Variants in TMEM91 observed in about 807,000 individuals in gnomAD.
The protein encoded by TMEM91 is dispanin subfamily C member 3.
A neutral mutation model predicts 13.3 loss-of-function variants in TMEM91; 6 were observed. The observed-to-expected ratio is 0.45, with a 90% CI of 0.25 to 0.89. The LOEUF (loss-of-function observed/expected upper bound fraction) is 0.89. Ranked by LOEUF, TMEM91 falls within the 40% of genes least tolerant of loss-of-function variation. TMEM91 has a pLI of 0.19. For synonymous variants in TMEM91, 87 were observed against 101.7 expected, an observed-to-expected ratio of 0.86 and a Z score of 0.87; for missense variants, 193 against 228.7, an observed-to-expected ratio of 0.84 and a Z score of 1.01.
upstream of TMEM91, among the ~76,000 whole-genome samples, chr19:41,375,766 T>G (rs1435710841): frequency 6.6e-6 from 1 of 151,412 alleles, no homozygotes; most frequent in African/African-American, 2.4e-5. Context: ...GAGCAATGAT[T>G]GCGCCACTGC....
upstream of TMEM91, chr19:41,373,878 A>G (rs34503210): frequency 0.58 from 87,437 of 150,956 alleles, 25,533 homozygotes; most frequent in Non-Finnish European, 0.6. Flanking sequence ...GGGTTTTGCT[A>G]TGTCGCCCAG....
intron 3 of TMEM91, chr19:41,383,322 G>A (rs1309629120): frequency 1.2e-5 from 5 of 422,688 alleles, no homozygotes; most frequent in Non-Finnish European, 1.9e-5. Context: ...CCAAAGTGCT[G>A]GGATTACAGG....
At chr19:41,377,269 G>C (rs2123183665) in intron 1 of TMEM91, 1 of 153,032 alleles carries the variant, frequency 6.5e-6, no homozygotes, top group Non-Finnish European at 1.5e-5. Context: ...AGGTGTCTGT[G>C]GTTTGTGATG....
chr19:41,375,126 C>G (rs571990804), upstream of TMEM91, among the ~76,000 whole-genome samples: 12 of 152,200 alleles, frequency 7.9e-5, no homozygotes, highest in South Asian at 2.5e-3. Flanking sequence ...CCTAGAAACT[C>G]CTAACCCACC....
At chr19:41,379,472 C>T (rs2038819068) in intron 2 of TMEM91, among the ~76,000 whole-genome samples, 1 of 149,624 alleles carries the variant, frequency 6.7e-6, no homozygotes, top group African/African-American at 2.5e-5. Context: ...CTGCAATGAG[C>T]TGTGATCATA....
upstream of TMEM91, chr19:41,373,825 A>G (rs1281134496): frequency 6.6e-6 from 1 of 150,922 alleles, no homozygotes; most frequent in Non-Finnish European, 1.5e-5. Context: ...TGGAGGTTGC[A>G]GTGACCTGAG....
rs889572075 is a variant in TMEM91, at chr19:41,370,223, A to G, written c.-30+6128A>G. On this transcript the variant is annotated intron_variant, in intron 1 of 3. Coordinates refer to the TMEM91 transcript ENST00000413014. ...CTCCCGAGTAACTGGTATTACAGGCATGCACCACCATGCCTGGCTAATTTT... is the reference window on the plus strand; with the variant it reads ...CTCCCGAGTAACTGGTATTACAGGCGTGCACCACCATGCCTGGCTAATTTT... 2.6e-5 allele frequency among the ~76,000 whole-genome samples: 4 copies of G among 151,968 alleles called. No individual in the cohort carries two copies. In the South Asian group the frequency reaches 8.3e-4, roughly 32 times the overall value.
upstream of TMEM91, among the ~76,000 whole-genome samples, chr19:41,375,451 T>G (rs537662467): frequency 5.3e-5 from 8 of 151,204 alleles, no homozygotes; most frequent in Non-Finnish European, 8.9e-5. Context: ...GCTAATTTTT[T>G]GTATTTTTAG....
intron 1 of TMEM91, among the ~76,000 whole-genome samples, chr19:41,365,218 G>A (rs986215368): frequency 6.6e-6 from 1 of 151,986 alleles, no homozygotes; most frequent in Admixed American, 6.6e-5. Flanking sequence ...GCTACCATTG[G>A]CTAGGCGCGG....
chr19:41,369,685 G>C (rs1232169769), intron 1 of TMEM91, among the ~76,000 whole-genome samples: 1 of 151,930 alleles, frequency 6.6e-6, no homozygotes, highest in Non-Finnish European at 1.5e-5. Context: ...GCGAGCGCCT[G>C]TAGTCCCAGC....
At chr19:41,369,465 C>T (rs1263563188) in intron 1 of TMEM91, among the ~76,000 whole-genome samples, 1 of 151,670 alleles carries the variant, frequency 6.6e-6, no homozygotes, top group African/African-American at 2.4e-5. Context: ...TATGATGGCA[C>T]CCTGCACTCC....
chr19:41,383,418 G>A (rs1364938548), intron 3 of TMEM91: 1 of 1,002,500 alleles, frequency 1.0e-6, no homozygotes, highest in East Asian at 3.3e-5. Context: ...CTGTAAAGTG[G>A]GAATAATTGC....
intron 1 of TMEM91, among the ~76,000 whole-genome samples, chr19:41,370,833 G>A (rs1342481089): frequency 6.6e-6 from 1 of 151,946 alleles, no homozygotes; most frequent in African/African-American, 2.4e-5. Context: ...CTCCCAAGTA[G>A]CTGGGATTAC....
At chr19:41,370,097 G>A (rs1487024526) in intron 1 of TMEM91, among the ~76,000 whole-genome samples, 1 of 151,556 alleles carries the variant, frequency 6.6e-6, no homozygotes, top group Non-Finnish European at 1.5e-5. Flanking sequence ...TATTTTTTGA[G>A]ATGGAGTTTC....
At chr19:41,367,455 A>C (rs1042653705) in intron 1 of TMEM91, among the ~76,000 whole-genome samples, 1 of 152,016 alleles carries the variant, frequency 6.6e-6, no homozygotes, top group East Asian at 2.0e-4. Flanking sequence ...ACATGATGAA[A>C]CCTCGTGTCT....
chr19:41,381,654 G>C (rs1050534017), intron 2 of TMEM91, among the ~76,000 whole-genome samples: 1 of 151,904 alleles, frequency 6.6e-6, no homozygotes, highest in Non-Finnish European at 1.5e-5. Context: ...GTGAGCCACT[G>C]AGCCTGGCCC....
chr19:41,370,852 G>T (rs2038604636), intron 1 of TMEM91, among the ~76,000 whole-genome samples: 3 of 148,934 alleles, frequency 2.0e-5, no homozygotes, highest in Non-Finnish European at 4.5e-5. Flanking sequence ...ACAGGCATGT[G>T]TCACCACGCC....
At chr19:41,379,678 G>A (rs1410497639) in intron 2 of TMEM91, among the ~76,000 whole-genome samples, 1 of 150,234 alleles carries the variant, frequency 6.7e-6, no homozygotes, top group Non-Finnish European at 1.5e-5. Flanking sequence ...AAGGAGGGAA[G>A]GAAGGAAGGA....
upstream of TMEM91, among the ~76,000 whole-genome samples, chr19:41,375,739 G>A (rs185696998): frequency 6.6e-6 from 1 of 151,940 alleles, no homozygotes; most frequent in African/African-American, 2.4e-5. Flanking sequence ...GTGAACCCAG[G>A]AGTCTGAGGC....
Sources: allele counts gnomAD v4.1 joint callset (sites outside exome capture counted in the v4.1 genomes callset), GRCh38; gene constraint gnomAD v4.1.1; transcripts MANE v1.5; gene names NCBI Gene and HGNC (gene_info 2026-07-23, HGNC 2026-07-21).